The following FBXL17 variants were observed in gnomAD, a reference collection of about 807,000 sequenced individuals.
FBXL17 encodes F-box/LRR-repeat protein 17.
A neutral mutation model predicts 66.2 loss-of-function variants in FBXL17; 22 were observed. That is an observed-to-expected ratio of 0.33 (90% confidence interval 0.24 to 0.47). The LOEUF is 0.47. Ranked by LOEUF, FBXL17 falls within the 20% of genes least tolerant of loss-of-function variation. FBXL17 has a pLI of 1.00. For synonymous variants in FBXL17, 474 were observed against 400.5 expected (o/e 1.18, Z -2.19); for missense variants, 878 against 948.2 (o/e 0.93, Z 0.97).
At chr5:108,373,073 T>C (rs1276438626) in intron 1 of FBXL17, among the ~76,000 whole-genome samples, 2 of 151,210 alleles carry the variant, frequency 1.3e-5, no homozygotes, top group African/African-American at 4.8e-5. Flanking sequence ...TCAAACTAAA[T>C]TGTTATAATA....
chr5:108,350,242 C>G (rs967680369), intron 3 of FBXL17, among the ~76,000 whole-genome samples: 1 of 152,106 alleles, frequency 6.6e-6, no homozygotes, highest in African/African-American at 2.4e-5. Flanking sequence ...TTAGTTAAAT[C>G]CTCAGATCAC....
chr5:108,289,700 C>A (rs1009145419), intron 4 of FBXL17, among the ~76,000 whole-genome samples: 1 of 152,056 alleles, frequency 6.6e-6, no homozygotes, highest in Non-Finnish European at 1.5e-5. Flanking sequence ...GGGTTCCAAT[C>A]CTGTAACTGT....
At chr5:108,234,388 A>C (rs933806287) in intron 4 of FBXL17, among the ~76,000 whole-genome samples, 2 of 152,190 alleles carry the variant, frequency 1.3e-5, no homozygotes, top group Non-Finnish European at 2.9e-5. Flanking sequence ...AATTATCCCC[A>C]CTTAATGGAT....
intron 6 of FBXL17, among the ~76,000 whole-genome samples, chr5:108,137,807 T>G: frequency 6.6e-6 from 1 of 152,104 alleles, no homozygotes; most frequent in East Asian, 1.9e-4. Context: ...ACCTCAAATG[T>G]TGGGATAAAG....
chr5:108,266,717 G>A (rs1306939004), intron 4 of FBXL17, among the ~76,000 whole-genome samples: 2 of 152,090 alleles, frequency 1.3e-5, no homozygotes, highest in African/African-American at 4.8e-5. Flanking sequence ...TAATTGTGAA[G>A]AAGGAAAAAG....
intron 7 of FBXL17, among the ~76,000 whole-genome samples, chr5:107,921,780 G>A (rs1291904233): frequency 6.6e-6 from 1 of 152,298 alleles, no homozygotes; most frequent in East Asian, 1.9e-4. Context: ...GAAAGCCAGG[G>A]AAGGTACAGT....
At chr5:108,338,543 C>T (rs1468245236) in intron 4 of FBXL17, among the ~76,000 whole-genome samples, 1 of 151,970 alleles carries the variant, frequency 6.6e-6, no homozygotes, top group East Asian at 1.9e-4. Context: ...GTACTTCTAC[C>T]ATCATACTTT....
At chr5:107,976,392 G>C (rs1316979748) in intron 7 of FBXL17, among the ~76,000 whole-genome samples, 1 of 152,150 alleles carries the variant, frequency 6.6e-6, no homozygotes, top group Non-Finnish European at 1.5e-5. Context: ...TCAACAAAGA[G>C]TTATTGGGTA....
chr5:108,304,954 A>G lies in FBXL17; in HGVS notation c.1506+43445T>C, dbSNP rs116444257. The stretch of plus-strand genomic sequence containing the variant: ...CTACAATAAAACTTTTGTATTAGAA[A>G]CTGACTCCATTTCTCAATTTCTAAT... On this transcript the variant is annotated intron_variant, in intron 4 of 8. Transcript: ENST00000542267. Among the ~76,000 whole-genome samples, 1,443 of 152,194 alleles carry G rather than the reference A, an allele frequency of 9.5e-3. 12 individuals are homozygous for G. The highest frequency in any genetic ancestry group is 0.015 in the Non-Finnish European group (1,045 of 67,980).
intron 6 of FBXL17, among the ~76,000 whole-genome samples, chr5:108,032,917 G>A (rs1211623439): frequency 6.6e-6 from 1 of 152,200 alleles, no homozygotes; most frequent in Non-Finnish European, 1.5e-5. Context: ...CAATTAAGAT[G>A]ATGTGATTGG....
chr5:108,379,567 C>T lies in FBXL17; in HGVS notation c.993+1132G>A, dbSNP rs572378791. On this transcript the variant is annotated intron_variant, in intron 1 of 8. Transcript: ENST00000542267. ...TATGCAAAAAGTCTAGTCAAAGAAA[C>T]TATATTGGTGACAATAACAATTGTA... Among the ~76,000 whole-genome samples, 21 of 152,238 alleles carry T rather than the reference C, an allele frequency of 1.4e-4. No individual in the cohort carries two copies. The East Asian group carries it at 4.0e-3, about 29-fold the overall frequency.
chr5:107,879,576 A>C (rs571826921), intron 8 of FBXL17: 1 of 985,450 alleles, frequency 1.0e-6, no homozygotes, highest in Non-Finnish European at 1.2e-6. Flanking sequence ...TTGGGATTCT[A>C]AAGTGTTTGG....
At chr5:108,022,739 G>A (rs1754648997) in intron 6 of FBXL17, among the ~76,000 whole-genome samples, 1 of 152,016 alleles carries the variant, frequency 6.6e-6, no homozygotes, top group Non-Finnish European at 1.5e-5. Context: ...AAGCACATAT[G>A]AACATTAAAG....
chr5:108,114,913 T>C (rs1750183257), intron 6 of FBXL17, among the ~76,000 whole-genome samples: 1 of 152,204 alleles, frequency 6.6e-6, no homozygotes, highest in Admixed American at 6.5e-5. Context: ...TGTTGCAGAT[T>C]TCTTATCTGG....
chr5:107,971,723 G>A (rs960429427), intron 7 of FBXL17, among the ~76,000 whole-genome samples: 1 of 152,160 alleles, frequency 6.6e-6, no homozygotes, highest in African/African-American at 2.4e-5. Context: ...ACGTTTTCAT[G>A]TCTACTGCTA....
chr5:108,133,798 A>C (rs1259868863), intron 6 of FBXL17, among the ~76,000 whole-genome samples: 1 of 152,190 alleles, frequency 6.6e-6, no homozygotes, highest in East Asian at 1.9e-4. Context: ...AAAATTTCAA[A>C]TGTATTTTAA....
Position 107,995,140 on chromosome 5 carries a change from AT to A in FBXL17, c.1822+25784del, listed in dbSNP as rs556774561. ...TCTCTATATTTACATCAATAAAAAG[AT>A]TTTTAAAGCAGAAAAAGAACTAAAA... On this transcript the variant is annotated intron_variant, in intron 7 of 8. Coordinates refer to ENST00000542267, the MANE Select transcript of FBXL17 (RefSeq NM_001163315.3). Among the ~76,000 whole-genome samples, 317 of 152,294 alleles carry A rather than the reference AT, an allele frequency of 2.1e-3. 2 individuals carry two copies. The highest frequency in any genetic ancestry group is 7.1e-3 in the African/African-American group (294 of 41,556).
At chr5:107,915,045 A>G (rs1025840530) in intron 7 of FBXL17, among the ~76,000 whole-genome samples, 1 of 151,950 alleles carries the variant, frequency 6.6e-6, no homozygotes, top group Non-Finnish European at 1.5e-5. Context: ...GTCTTTGATG[A>G]AGAAGATAAT....
At chr5:108,063,211 A>G (rs759447322) in intron 6 of FBXL17, among the ~76,000 whole-genome samples, 6 of 152,052 alleles carry the variant, frequency 3.9e-5, no homozygotes, top group Non-Finnish European at 8.8e-5. Context: ...AAGAGGAGGC[A>G]CTGTTGAACT....
Sources: gnomAD v4.1 joint callset for allele counts (sites outside exome capture counted in the v4.1 genomes callset) on GRCh38, gnomAD v4.1.1 for gene constraint, MANE v1.5 for transcripts, NCBI Gene and HGNC (gene_info 2026-07-23, HGNC 2026-07-21) for gene names.